SHTN1: variants seen among roughly 807,000 people sequenced by gnomAD.
The protein encoded by SHTN1 is shootin-1.
A neutral mutation model predicts 83.1 loss-of-function variants in SHTN1; 42 were observed. That is an observed-to-expected ratio of 0.51 (90% CI 0.39 to 0.65). The LOEUF is 0.65. Ranked by LOEUF, SHTN1 falls within the 30% of genes least tolerant of loss-of-function variation. The probability of loss-of-function intolerance (pLI) is 0.00; values close to 1 mark genes in which losing one functional copy is unlikely to be tolerated. For missense variants in SHTN1, 622 were observed against 737.8 expected, an observed-to-expected ratio of 0.84 and a Z score of 1.82; for synonymous variants, 224 against 247.7, an observed-to-expected ratio of 0.90 and a Z score of 0.90.
Position 116,997,670 on chromosome 10 carries a change from T to C in SHTN1, c.58+7352A>G, listed in dbSNP as rs1851671659. Among the ~76,000 whole-genome samples, 4 of 152,208 alleles carry C rather than the reference T, an allele frequency of 2.6e-5. No individual in the cohort carries two copies. The South Asian group carries it at 8.3e-4, about 32-fold the overall frequency. On this transcript the variant is annotated intron_variant, in intron 1 of 16. Transcript: ENST00000355371. Reference sequence around the variant, plus strand: ...CACACTATCATGCTATCATCATTGTTGATGTTGGCCTTGATCATCTAGCTG... The same window carrying C: ...CACACTATCATGCTATCATCATTGTCGATGTTGGCCTTGATCATCTAGCTG...
chr10:117,056,278 A>G (rs1017660405), intron 1 of SHTN1, among the ~76,000 whole-genome samples: 1 of 152,218 alleles, frequency 6.6e-6, no homozygotes, highest in African/African-American at 2.4e-5. Context: ...TTACAGATCA[A>G]TATTTTTCAT....
chr10:116,929,974 T>C lies in SHTN1; in HGVS notation c.887A>G (p.Asn296Ser), dbSNP rs1396050015. 6.3e-7 allele frequency: 1 copy of C among 1,598,170 alleles called. No individual in the cohort carries two copies. The highest frequency in any genetic ancestry group is 8.5e-7 in the Non-Finnish European group (1 of 1,172,526). The change falls in exon 10 of 17, where the codon AAT becomes AGT. Residue 296 changes from asparagine (N) to serine (S), a missense_variant. By Grantham distance (46) the Asn-to-Ser change is conservative. Around this residue, in one of 3 missense-constraint regions of SHTN1, gnomAD observed 383 missense variants for 455.8 expected, o/e 0.84. Coordinates refer to ENST00000355371, the MANE Select transcript of SHTN1 (RefSeq NM_001127211.3). Reference protein sequence around the residue: ...KVKELEEQLENETLHKEIHNL... With the variant: ...KVKELEEQLESETLHKEIHNL... ...GTGTATTTCTTTGTGGAGTGTTTCA[T>C]TTTCTAGTTGCTCTTCTAATTCTTT...
chr10:117,006,239 T>TA (rs1852005222), upstream of SHTN1, among the ~76,000 whole-genome samples: 1 of 21,568 alleles, frequency 4.6e-5, no homozygotes, highest in Non-Finnish European at 8.3e-4. Context: ...AGTTTTTTTT[T>TA]GTTTTTTTTT....
At chr10:117,027,281 A>G (rs1366797723) in intron 2 of SHTN1, among the ~76,000 whole-genome samples, 1 of 152,086 alleles carries the variant, frequency 6.6e-6, no homozygotes, top group Non-Finnish European at 1.5e-5. Flanking sequence ...TTCTTGGGAC[A>G]GTGAGTTCTC....
intron 13 of SHTN1, 108 bp from the exon 14 acceptor site, chr10:116,911,951 T>C (rs888556990): frequency 3.8e-6 from 3 of 783,504 alleles, no homozygotes; most frequent in Non-Finnish European, 6.6e-6. Context: ...GTAATATGTA[T>C]GACTATATAT....
intron 15 of SHTN1, among the ~76,000 whole-genome samples, chr10:116,904,675 C>G (rs952806610): frequency 1.3e-5 from 2 of 152,136 alleles, no homozygotes; most frequent in Non-Finnish European, 2.9e-5. Flanking sequence ...CCACCATGTT[C>G]ATGAAATGTG....
chr10:116,915,864 C>T (rs886628631), intron 12 of SHTN1, among the ~76,000 whole-genome samples: 5 of 152,088 alleles, frequency 3.3e-5, no homozygotes, highest in African/African-American at 4.8e-5. Flanking sequence ...TACTGTACAT[C>T]CTATGTCAAA....
chr10:117,066,762 T>C (rs1220105931), intron 1 of SHTN1, among the ~76,000 whole-genome samples: 1 of 152,214 alleles, frequency 6.6e-6, no homozygotes, highest in Non-Finnish European at 1.5e-5. Context: ...ACGTGGGACT[T>C]AGAAGACTTC....
At chr10:116,929,523 T>A (rs1308595605) in intron 10 of SHTN1, among the ~76,000 whole-genome samples, 3 of 152,158 alleles carry the variant, frequency 2.0e-5, no homozygotes, top group African/African-American at 7.2e-5. Flanking sequence ...ATAAAGTACA[T>A]AATGAACATT....
At chr10:116,981,973 G>T (rs536020157) in intron 1 of SHTN1, among the ~76,000 whole-genome samples, 1 of 152,140 alleles carries the variant, frequency 6.6e-6, no homozygotes, top group East Asian at 1.9e-4. Context: ...CAGAAGAATC[G>T]CTTGATCCCG....
At chr10:117,113,584 C>T (rs1292782682) in intron 1 of SHTN1, among the ~76,000 whole-genome samples, 3 of 152,138 alleles carry the variant, frequency 2.0e-5, no homozygotes, top group African/African-American at 7.2e-5. Context: ...TAACCATATG[C>T]GTTCATGCTC....
chr10:117,069,937 A>C (rs1469658685), intron 1 of SHTN1, among the ~76,000 whole-genome samples: 1 of 152,190 alleles, frequency 6.6e-6, no homozygotes, highest in Non-Finnish European at 1.5e-5. Context: ...TGTAATAATA[A>C]AGGGAGTAGA....
chr10:116,983,958 C>A (rs1048768096), intron 1 of SHTN1, among the ~76,000 whole-genome samples: 1 of 152,160 alleles, frequency 6.6e-6, no homozygotes, highest in African/African-American at 2.4e-5. Context: ...TCTTTCCAAG[C>A]TGCAAATCAT....
chr10:116,894,897 T>G (rs911913103), intron 16 of SHTN1, among the ~76,000 whole-genome samples: 1 of 152,210 alleles, frequency 6.6e-6, no homozygotes, highest in African/African-American at 2.4e-5. Context: ...TCTGCCTGAC[T>G]GTGATGCAGA....
chr10:116,988,311 C>CAT (rs1366204406), intron 1 of SHTN1, among the ~76,000 whole-genome samples: 1 of 151,480 alleles, frequency 6.6e-6, no homozygotes, highest in African/African-American at 2.4e-5. Context: ...AGCTAATACA[C>CAT]ACACACACAC....
chr10:116,976,549 T>C (rs903869197), intron 2 of SHTN1, among the ~76,000 whole-genome samples: 2 of 152,178 alleles, frequency 1.3e-5, no homozygotes, highest in African/African-American at 2.4e-5. Flanking sequence ...TTTGGGGCCA[T>C]GAATGAAAGG....
chr10:117,090,892 G>A (rs568315533), intron 1 of SHTN1, among the ~76,000 whole-genome samples: 1 of 152,236 alleles, frequency 6.6e-6, no homozygotes, highest in Non-Finnish European at 1.5e-5. Context: ...ATAAGAAAAA[G>A]GATCTGACTG....
chr10:116,918,774 C>T (rs1023287093), intron 12 of SHTN1, among the ~76,000 whole-genome samples: 2 of 152,176 alleles, frequency 1.3e-5, no homozygotes, highest in South Asian at 2.1e-4. Context: ...CTATTATCCC[C>T]ATTCTACAGA....
chr10:116,928,608 A>G (rs1848832876), intron 10 of SHTN1, among the ~76,000 whole-genome samples: 1 of 152,210 alleles, frequency 6.6e-6, no homozygotes, highest in Non-Finnish European at 1.5e-5. Context: ...AAGGTGCTGC[A>G]TACTGTTGGC....
Sources: allele counts gnomAD v4.1 joint callset (sites outside exome capture counted in the v4.1 genomes callset), GRCh38; gene constraint gnomAD v4.1.1; regional missense constraint gnomAD v4.1.1; transcripts MANE v1.5; gene names NCBI Gene and HGNC (gene_info 2026-07-23, HGNC 2026-07-21).